The following BIRC6 variants were observed in gnomAD, a reference collection of about 807,000 sequenced individuals.
BIRC6 encodes the protein baculoviral IAP repeat containing 6, also known as dual E2 ubiquitin-conjugating enzyme/E3 ubiquitin-protein ligase BIRC6.
BIRC6 carries 98 observed loss-of-function variants against 503.3 expected under a neutral mutation model. The ratio of observed to expected loss-of-function variants is 0.19; its 90% CI spans 0.17 to 0.23. The LOEUF is 0.23. BIRC6 is among the 10% of genes least tolerant of loss of function. BIRC6 has a pLI of 1.00. For synonymous variants in BIRC6, 2,240 were observed against 2,078.7 expected, an observed-to-expected ratio of 1.08 and a Z score of -2.11; for missense variants, 5,360 against 5,806.0, an observed-to-expected ratio of 0.92 and a Z score of 2.50.
At chr2:32,579,508 G>C (rs2060520789) in intron 66 of BIRC6, among the ~76,000 whole-genome samples, 1 of 151,988 alleles carries the variant, frequency 6.6e-6, no homozygotes, top group Non-Finnish European at 1.5e-5. Context: ...GGCAACATAG[G>C]GAGACCCTGT....
At chr2:32,602,653 T>G (rs2062143439) in intron 70 of BIRC6, 1 of 190,474 alleles carries the variant, frequency 5.3e-6, no homozygotes, top group Non-Finnish European at 1.1e-5. Context: ...TCATTACACA[T>G]TGTATACACA....
In BIRC6 at chr2:32,493,620, A is replaced by G. The variant is rs2052030652; in HGVS notation, c.8421A>G (p.Ile2807Met). ...QVHLSSTCPQIFSEFLLKLIH... is the reference protein window; with the variant it reads ...QVHLSSTCPQMFSEFLLKLIH... ...ATCTTTCTTCAACATGTCCTCAGAT[A>G]TTCAGTGAATTTTTGCTCAAGCTAA... is the stretch of plus-strand genomic sequence containing the variant. Residue 2807 changes from isoleucine to methionine, a missense_variant, in exon 45 of 74, where the codon ATA becomes ATG. Transcript: ENST00000421745. 1.2e-6 allele frequency: 2 copies of G among 1,608,818 alleles called. No individual in the cohort carries two copies. The highest frequency in any genetic ancestry group is 1.7e-6 in the Non-Finnish European group (2 of 1,176,496).
At position 32,473,191 on chromosome 2, in the gene BIRC6, T is replaced by C. The variant is rs759548651; in HGVS notation, c.6672T>C (p.Asp2224=). 8 of 1,559,810 alleles carry C rather than the reference T, an allele frequency of 5.1e-6. No homozygotes were observed. The highest frequency in any genetic ancestry group is 1.4e-5 in the African/African-American group (1 of 73,580). The stretch of plus-strand genomic sequence containing the variant: ...CTTCTAAAGGCAGCAGTAGCCTTGA[T>C]AGATTATATTCCAGAAAAATCAGAA... ...NRSSKGSSSL[D]RLYSRKIRKQ... is the part of the protein sequence containing the mutation. Residue 2224 remains aspartate (D), a synonymous_variant, in exon 33 of 74, where the codon GAT becomes GAC. Coordinates refer to ENST00000421745, the MANE Select transcript of BIRC6 (RefSeq NM_016252.4).
At chr2:32,361,071 C>T (rs2034004560) in intron 1 of BIRC6, among the ~76,000 whole-genome samples, 1 of 152,092 alleles carries the variant, frequency 6.6e-6, no homozygotes. Context: ...CAGGTACACA[C>T]CACCAGACCT....
At chr2:32,597,185 A>C (rs1469659269) in intron 68 of BIRC6, among the ~76,000 whole-genome samples, 1 of 152,224 alleles carries the variant, frequency 6.6e-6, no homozygotes, top group East Asian at 1.9e-4. Flanking sequence ...ATTCCATAAT[A>C]TGATTGGCTG....
chr2:32,437,557 C>T (rs1166532941), intron 15 of BIRC6, among the ~76,000 whole-genome samples: 1 of 152,190 alleles, frequency 6.6e-6, no homozygotes, highest in Admixed American at 6.5e-5. Context: ...GGTCAAGTAT[C>T]CCTTATCTGA....
In BIRC6 at chr2:32,406,356, G is replaced by T. The variant is rs564557939; in HGVS notation, c.1419-143G>T. Reference sequence around the variant, plus strand: ...CAGGGCTGCAGTGAGCTGTGTTCCTGCCACTGTACTCCAGCCTGGATGACA... The same window carrying T: ...CAGGGCTGCAGTGAGCTGTGTTCCTTCCACTGTACTCCAGCCTGGATGACA... On this transcript the variant is annotated intron_variant, in intron 8 of 73. Coordinates refer to ENST00000421745, the MANE Select transcript of BIRC6 (RefSeq NM_016252.4). 124 of 605,188 alleles carry T rather than the reference G, an allele frequency of 2.0e-4. 1 individual carries two copies. In the South Asian group the frequency reaches 2.5e-3, roughly 12 times the overall value. 37.5% of individuals were successfully genotyped at this position (605,188 alleles called of 1,614,324 possible).
At chr2:32,439,487 C>T in intron 15 of BIRC6, 21 bp from the exon 16 acceptor site, 1 of 1,597,614 alleles carries the variant, frequency 6.3e-7, no homozygotes, top group Non-Finnish European at 8.5e-7. Flanking sequence ...TTATTTTCCC[C>T]ATTCTACTCC....
chr2:32,576,068 G>A (rs191524513), intron 66 of BIRC6, among the ~76,000 whole-genome samples: 1 of 152,208 alleles, frequency 6.6e-6, no homozygotes, highest in East Asian at 1.9e-4. Context: ...GTATTTAGGT[G>A]CTATATTTTA....
intron 10 of BIRC6, among the ~76,000 whole-genome samples, chr2:32,426,315 C>G (rs1282200632): frequency 2.0e-5 from 3 of 152,122 alleles, no homozygotes; most frequent in African/African-American, 7.2e-5. Context: ...ATAAACCCAA[C>G]AGAATGGCCG....
chr2:32,421,570 C>A (rs2042960657), intron 10 of BIRC6, among the ~76,000 whole-genome samples: 1 of 151,840 alleles, frequency 6.6e-6, no homozygotes, highest in Non-Finnish European at 1.5e-5. Context: ...TTCTAATTTC[C>A]CTTGTGATTT....
chr2:32,606,235 C>A (rs2062440155), intron 71 of BIRC6, among the ~76,000 whole-genome samples: 1 of 152,142 alleles, frequency 6.6e-6, no homozygotes, highest in African/African-American at 2.4e-5. Flanking sequence ...CTGGGACAAG[C>A]CTTCTAGTAA....
At chr2:32,395,088 G>T (rs1558610307) in intron 5 of BIRC6, among the ~76,000 whole-genome samples, 1 of 152,196 alleles carries the variant, frequency 6.6e-6, no homozygotes, top group African/African-American at 2.4e-5. Context: ...GGGAGGTGGA[G>T]CTTGCAGTGA....
At chr2:32,428,119 G>A (rs779773619) in intron 10 of BIRC6, among the ~76,000 whole-genome samples, 2 of 152,156 alleles carry the variant, frequency 1.3e-5, no homozygotes, top group South Asian at 2.1e-4. Context: ...GTGCTCAAGT[G>A]TGCCCTGGCT....
At chr2:32,568,491 CA>C (rs59954195) in intron 65 of BIRC6, among the ~76,000 whole-genome samples, 48,032 of 108,546 alleles carry the variant, frequency 0.44, 8,561 homozygotes, top group Admixed American at 0.49. Context: ...GACCTTGGCG[CA>C]AAAAAAAAAA....
intron 54 of BIRC6, among the ~76,000 whole-genome samples, chr2:32,514,580 C>G (rs1415571083): frequency 6.6e-6 from 1 of 152,222 alleles, no homozygotes; most frequent in African/African-American, 2.4e-5. Context: ...GACTTAATTA[C>G]TGAGCCTCAC....
At chr2:32,450,953 G>T (rs1057095779) in intron 22 of BIRC6, among the ~76,000 whole-genome samples, 8 of 152,048 alleles carry the variant, frequency 5.3e-5, no homozygotes, top group Admixed American at 3.3e-4. Context: ...AATATTTTCT[G>T]TCTGTAGTTG....
intron 65 of BIRC6, chr2:32,557,819 A>G (rs1471058295): frequency 2.0e-5 from 3 of 152,194 alleles, no homozygotes; most frequent in Non-Finnish European, 4.4e-5. Flanking sequence ...GCTTCTTAAC[A>G]TCTTCTGCTG....
chr2:32,536,786 C>T (rs186525790), intron 61 of BIRC6, among the ~76,000 whole-genome samples: 374 of 152,146 alleles, frequency 2.5e-3, no homozygotes, highest in Non-Finnish European at 4.2e-3. Flanking sequence ...CTTGGCAATG[C>T]GGGCTCTTTT....
Sources: allele counts gnomAD v4.1 joint callset (sites outside exome capture counted in the v4.1 genomes callset), GRCh38; gene constraint gnomAD v4.1.1; transcripts MANE v1.5; gene names NCBI Gene and HGNC (gene_info 2026-07-23, HGNC 2026-07-21).